GABRG3: variants seen among roughly 807,000 people sequenced by gnomAD.
GABRG3 encodes gamma-aminobutyric acid receptor subunit gamma-3.
A neutral mutation model predicts 48.8 loss-of-function variants in GABRG3; 25 were observed. That is an observed-to-expected ratio of 0.51 (90% CI 0.37 to 0.72). The LOEUF is 0.72. Ranked by LOEUF, GABRG3 falls within the 30% of genes least tolerant of loss-of-function variation. The pLI is 0.00. For missense variants in GABRG3, 394 were observed against 577.9 expected, an observed-to-expected ratio of 0.68 and a Z score of 3.26; for synonymous variants, 227 against 217.6, an observed-to-expected ratio of 1.04 and a Z score of -0.38.
At chr15:27,019,055 CTTTTTTTTTTTTTTTTT>C (rs9331868) in intron 2 of GABRG3, among the ~76,000 whole-genome samples, 17 of 42,004 alleles carry the variant, frequency 4.0e-4, no homozygotes, top group African/African-American at 1.5e-3. Context: ...TCCCTAGAGT[CTTTTTTTTTTTTTTTTT>C]TTTTTTTTTT....
At chr15:27,249,471 C>A (rs186302002) in intron 3 of GABRG3, among the ~76,000 whole-genome samples, 33 of 152,282 alleles carry the variant, frequency 2.2e-4, no homozygotes, top group Non-Finnish European at 4.1e-4. Context: ...AGATAAAGTA[C>A]CTTCTTAAAT....
At chr15:27,288,709 G>A (rs757553382) in intron 3 of GABRG3, among the ~76,000 whole-genome samples, 4 of 119,094 alleles carry the variant, frequency 3.4e-5, no homozygotes, top group Middle Eastern at 3.6e-3. Context: ...GCAAAACTCC[G>A]TCTCACAGAA....
chr15:27,032,313 A>G (rs17137553), intron 3 of GABRG3, among the ~76,000 whole-genome samples: 3,095 of 152,310 alleles, frequency 0.02, 104 homozygotes, highest in African/African-American at 0.07. Context: ...CCCTTCTGCC[A>G]TCTCTGGTTC....
Position 27,341,642 on chromosome 15 carries a change from G to T in GABRG3, c.574+12754G>T, listed in dbSNP as rs1894182732. The stretch of plus-strand genomic sequence containing the variant: ...GGTCATCTGCCCCTATCACGCAGGG[G>T]GCAAGGCTTTGAGCAGAGCAGAATG... On this transcript the variant is annotated intron_variant, in intron 5 of 9. Transcript: ENST00000615808. Among the ~76,000 whole-genome samples the T allele has an allele frequency of 2.0e-5, 3 of 152,092 alleles. No individual in the cohort carries two copies. In the South Asian group the frequency reaches 6.2e-4, roughly 32 times the overall value.
intron 5 of GABRG3, among the ~76,000 whole-genome samples, chr15:27,443,597 T>A (rs1479494003): frequency 6.6e-6 from 1 of 152,236 alleles, no homozygotes; most frequent in East Asian, 1.9e-4. Context: ...CATACAGGAT[T>A]ATGTTTTGCT....
At chr15:27,096,786 C>G (rs538121675) in intron 3 of GABRG3, among the ~76,000 whole-genome samples, 1 of 150,934 alleles carries the variant, frequency 6.6e-6, no homozygotes, top group African/African-American at 2.4e-5. Context: ...TCCAACTCTA[C>G]GTGAAAGCAC....
At chr15:27,288,398 C>T (rs923352589) in intron 3 of GABRG3, among the ~76,000 whole-genome samples, 4 of 151,914 alleles carry the variant, frequency 2.6e-5, no homozygotes, top group Admixed American at 6.6e-5. Flanking sequence ...GTTTGTTTCC[C>T]TGCAACTAGA....
At chr15:27,115,382 G>A (rs543349970) in intron 3 of GABRG3, among the ~76,000 whole-genome samples, 3 of 152,268 alleles carry the variant, frequency 2.0e-5, no homozygotes, top group East Asian at 3.9e-4. Flanking sequence ...CACAGAACAC[G>A]GTGGACCCAG....
chr15:27,254,869 TGAGA>T (rs1009215520), intron 3 of GABRG3, among the ~76,000 whole-genome samples: 1 of 126,498 alleles, frequency 7.9e-6, no homozygotes, highest in Non-Finnish European at 1.7e-5. Context: ...AGAGCTTTAT[TGAGA>T]GAGAGAGAGA....
intron 5 of GABRG3, among the ~76,000 whole-genome samples, chr15:27,433,495 T>G (rs988244876): frequency 1.3e-5 from 2 of 152,176 alleles, no homozygotes; most frequent in Non-Finnish European, 2.9e-5. Context: ...CCGAAAAGGT[T>G]GATTTTGATA....
chr15:27,036,079 G>A (rs1277114316), intron 3 of GABRG3, among the ~76,000 whole-genome samples: 3 of 152,316 alleles, frequency 2.0e-5, no homozygotes, highest in African/African-American at 4.8e-5. Flanking sequence ...AGCAGTGAAC[G>A]GAATTAATAA....
Position 27,323,591 on chromosome 15 carries a change from C to T in GABRG3, c.271-3218C>T, listed in dbSNP as rs970421343. Reference sequence around the variant, plus strand: ...ATTACACATTTTAGTCAGAAATCATCGTTAAGCTCAAATCCTGCCAGGATG... The same window carrying T: ...ATTACACATTTTAGTCAGAAATCATTGTTAAGCTCAAATCCTGCCAGGATG... On this transcript the variant is annotated intron_variant, in intron 3 of 9. Transcript: ENST00000615808. Among the ~76,000 whole-genome samples the T allele has an allele frequency of 4.6e-5, 7 of 152,208 alleles. No individual in the cohort carries two copies. In the East Asian group the frequency reaches 7.7e-4, roughly 17 times the overall value.
At chr15:27,106,326 T>A (rs1290131058) in intron 3 of GABRG3, among the ~76,000 whole-genome samples, 1 of 152,072 alleles carries the variant, frequency 6.6e-6, no homozygotes, top group Non-Finnish European at 1.5e-5. Context: ...TTTGTTAATT[T>A]GCTTTACTAT....
At chr15:27,397,424 C>T (rs1887339218) in intron 5 of GABRG3, among the ~76,000 whole-genome samples, 1 of 152,066 alleles carries the variant, frequency 6.6e-6, no homozygotes, top group East Asian at 1.9e-4. Flanking sequence ...CTCTATGTGG[C>T]TTTCAGGCAA....
chr15:27,469,038 A>T, intron 5 of GABRG3, among the ~76,000 whole-genome samples: 1 of 152,232 alleles, frequency 6.6e-6, no homozygotes, highest in Non-Finnish European at 1.5e-5. Context: ...TCCAACCAAC[A>T]GCAGTAGATT....
At chr15:27,217,330 A>T (rs953163213) in intron 3 of GABRG3, among the ~76,000 whole-genome samples, 16 of 152,326 alleles carry the variant, frequency 1.1e-4, no homozygotes, top group Middle Eastern at 3.4e-3. Flanking sequence ...CCTTTGTAAT[A>T]TGATCAGTGG....
chr15:27,391,562 G>C (rs923148615), intron 5 of GABRG3, among the ~76,000 whole-genome samples: 2 of 152,162 alleles, frequency 1.3e-5, no homozygotes, highest in Non-Finnish European at 2.9e-5. Context: ...GCAACTGAAA[G>C]TACAGGCCCT....
intron 3 of GABRG3, among the ~76,000 whole-genome samples, chr15:27,159,337 C>T (rs977657565): frequency 1.3e-5 from 2 of 151,974 alleles, no homozygotes. Flanking sequence ...CAAAATTTGG[C>T]CAAGTGTGCT....
chr15:27,040,863 G>T (rs1455010032), intron 3 of GABRG3, among the ~76,000 whole-genome samples: 1 of 152,116 alleles, frequency 6.6e-6, no homozygotes, highest in East Asian at 1.9e-4. Context: ...ACCATATGAA[G>T]TTGGTTCTCC....
Sources: allele counts gnomAD v4.1 joint callset (sites outside exome capture counted in the v4.1 genomes callset), GRCh38; gene constraint gnomAD v4.1.1; transcripts MANE v1.5; gene names NCBI Gene and HGNC (gene_info 2026-07-23, HGNC 2026-07-21).